Variants in AJUBA observed in about 807,000 individuals in gnomAD.
AJUBA encodes ajuba LIM protein.
AJUBA carries 20 observed loss-of-function variants against 53.3 expected under a neutral mutation model. That is an observed-to-expected ratio of 0.38 (90% CI 0.26 to 0.55). The LOEUF (loss-of-function observed/expected upper bound fraction) is 0.55. Ranked by LOEUF, AJUBA falls within the 20% of genes least tolerant of loss-of-function variation. The pLI is 0.80. For missense variants in AJUBA, 580 were observed against 730.5 expected (o/e 0.79, Z 2.38); for synonymous variants, 296 against 306.2 (o/e 0.97, Z 0.35).
rs755767404 is a variant in AJUBA, at chr14:22,981,913, G to T, written c.354C>A (p.Leu118=). ...TACTGGCGAAGCTAGAGCGGGGGCT[G>T]AGGGCCGGGGCCGTGGGCTCCAGCC... The part of the protein sequence containing the change: ...DFRLEPTAPA[L]SPRSSFASSS... Residue 118 remains leucine, a synonymous_variant, in exon 1 of 8, where the codon CTC becomes CTA. Transcript: ENST00000262713. 5.1e-6 allele frequency: 8 copies of T among 1,556,412 alleles called. No individual in the cohort carries two copies. Among genetic ancestry groups the T allele is most frequent in the Non-Finnish European group, 6.9e-6 (8 of 1,155,436 alleles).
At chr14:22,978,845 G>C (rs2045061886) in intron 1 of AJUBA, 3 of 1,253,488 alleles carry the variant, frequency 2.4e-6, no homozygotes, top group Non-Finnish European at 3.1e-6. Flanking sequence ...GTGCTCAGCA[G>C]CAGACTTGAA....
At position 22,974,056 on chromosome 14, in the gene AJUBA, G is replaced by A; in HGVS notation, c.1482C>T (p.Tyr494=). The A allele has an allele frequency of 6.2e-7, 1 of 1,614,056 alleles. No homozygotes were observed. Among genetic ancestry groups the A allele is most frequent in the Non-Finnish European group, 8.5e-7 (1 of 1,180,010 alleles). Residue 494 remains tyrosine, a synonymous_variant, in exon 7 of 8, where the codon TAC becomes TAT. Coordinates refer to ENST00000262713, the MANE Select transcript of AJUBA (RefSeq NM_032876.6). ...GAACCCCAACACTCACCTCACAGTG[G>A]TAGCACTCAAAGTGATAATCCCGGT... The part of the protein sequence containing the change: ...SMDRDYHFEC[Y]HCEDCRMQLS...
Position 22,981,435 on chromosome 14 carries a change from C to G in AJUBA, c.832G>C (p.Asp278His). Residue 278 changes from aspartate to histidine, a missense_variant, in exon 1 of 8, where the codon GAC (aspartate) becomes CAC (histidine). By Grantham distance (81) the Asp-to-His change is moderately conservative. Coordinates refer to ENST00000262713, the MANE Select transcript of AJUBA (RefSeq NM_032876.6). ...GDCAVGARYQ[D>H]ELTALLRLTV... ...AGGCGAAGCAAAGCTGTTAGCTCGT[C>G]CTGGTACCGGGCGCCCACGGCGCAG... The G allele has an allele frequency of 6.2e-7, 1 of 1,611,676 alleles. No homozygotes were observed. Among genetic ancestry groups the G allele is most frequent in the Non-Finnish European group, 8.5e-7 (1 of 1,179,470 alleles).
At position 22,979,046 on chromosome 14, in the gene AJUBA, G is replaced by T; in HGVS notation, c.1007-601C>A. 7.8e-7 allele frequency: 1 copy of T among 1,288,962 alleles called. No homozygotes were observed. The highest frequency in any genetic ancestry group is 1.0e-6 in the Non-Finnish European group (1 of 988,618). 79.8% of individuals were successfully genotyped at this position (1,288,962 alleles called of 1,614,324 possible). ...CATGTGAGCATGATTCCTGTGGGGA[G>T]GTGGCTGCTGAGAATGCAGGGTGTG... On this transcript the variant is annotated intron_variant, in intron 1 of 7. Coordinates refer to ENST00000262713, the MANE Select transcript of AJUBA (RefSeq NM_032876.6). The surrounding 1 kb of genome is among the most constrained non-coding windows in gnomAD (Gnocchi z 4.0).
chr14:22,976,478 C>T lies in AJUBA; in HGVS notation c.1217G>A (p.Cys406Tyr). ...TACCTTCTCCAAAATCAAGTGACCA[C>T]AGACACAGCATTTCTCAGCTGCCTC... The part of the protein sequence containing the change: ...FQEAAEKCCV[C>Y]GHLILEKILQ... The change falls in exon 4 of 8, where the codon TGT becomes TAT. Residue 406 changes from cysteine to tyrosine, a missense_variant. Cys to Tyr is a radical substitution (Grantham distance 194, BLOSUM62 -2). Transcript: ENST00000262713. The T allele has an allele frequency of 1.9e-6, 3 of 1,614,198 alleles. No homozygotes were observed. Among genetic ancestry groups the T allele is most frequent in the Non-Finnish European group, 2.5e-6 (3 of 1,180,028 alleles).
intron 1 of AJUBA, chr14:22,980,780 A>G (rs1285549653): frequency 2.1e-5 from 14 of 670,534 alleles, no homozygotes; most frequent in Non-Finnish European, 2.4e-5. Flanking sequence ...GGGCACCTGG[A>G]GCGCCCGGGC....
intron 1 of AJUBA, chr14:22,978,687 C>A: frequency 7.8e-7 from 1 of 1,288,232 alleles, no homozygotes; most frequent in Admixed American, 3.3e-5. Context: ...TAACACAGCA[C>A]CACTACCTAA....
Position 22,975,199 on chromosome 14 carries a change from ACCCGCTGCTATACT to A in AJUBA, c.1240-109_1240-96del. 4 of 1,479,500 alleles carry A rather than the reference ACCCGCTGCTATACT, an allele frequency of 2.7e-6. No individual in the cohort carries two copies. The East Asian group carries it at 9.2e-5, about 34-fold the overall frequency. The allele number at this position is 1,479,500 out of a possible 1,614,324, so 91.6% of individuals were successfully genotyped here. On this transcript the variant is annotated intron_variant, in intron 4 of 7. Transcript: ENST00000262713. ...TTATTACTCCCATTAACCTCATCCA[ACCCGCTGCTATACT>A]CCCAGAACAATGCTATGTAATGTCG...
intron 1 of AJUBA, chr14:22,978,939 A>G (rs1237692035): frequency 5.4e-6 from 7 of 1,289,088 alleles, no homozygotes; most frequent in Admixed American, 4.6e-5. Context: ...CTGTTCAGTT[A>G]TAGAATGATT....
chr14:22,980,966 C>A (rs2045084512), intron 1 of AJUBA, among the ~76,000 whole-genome samples: 1 of 152,126 alleles, frequency 6.6e-6, no homozygotes, highest in Non-Finnish European at 1.5e-5. Flanking sequence ...CCCACTTGGT[C>A]CCTTCCCTAC....
At chr14:22,978,746 A>G (rs2045060874) in intron 1 of AJUBA, 3 of 1,215,108 alleles carry the variant, frequency 2.5e-6, no homozygotes, top group Admixed American at 3.5e-5. Context: ...TCAGATGCTT[A>G]GTTTCTGTTG....
chr14:22,982,435 C>T lies in AJUBA; in HGVS notation c.-169G>A. On this transcript the variant is annotated 5_prime_UTR_variant, in exon 1 of 8. Coordinates refer to ENST00000262713, the MANE Select transcript of AJUBA (RefSeq NM_032876.6). Reference sequence around the variant, plus strand: ...CTGCGCCAGGAATCCCACAGCATCCCCCAGCGGGAGGGGCTGCGTCCCCCC... The same window carrying T: ...CTGCGCCAGGAATCCCACAGCATCCTCCAGCGGGAGGGGCTGCGTCCCCCC... The T allele has an allele frequency of 1.4e-6, 2 of 1,435,652 alleles. No homozygotes were observed. Among genetic ancestry groups the T allele is most frequent in the South Asian group, 1.5e-5 (1 of 68,340 alleles). 88.9% of individuals were successfully genotyped at this position (1,435,652 alleles called of 1,614,324 possible). A position where few individuals can be genotyped will look rare whatever the true frequency, so the allele number is the denominator to read the frequency against.
chr14:22,981,336 C>T lies in AJUBA; in HGVS notation c.931G>A (p.Glu311Lys), dbSNP rs745365510. 2 of 1,613,268 alleles carry T rather than the reference C, an allele frequency of 1.2e-6. No individual in the cohort carries two copies. Among genetic ancestry groups the T allele is most frequent in the South Asian group, 2.2e-5 (2 of 91,076 alleles). Residue 311 changes from glutamate to lysine, a missense_variant, in exon 1 of 8, where the codon GAG becomes AAG. Physicochemically the swap from Glu to Lys is moderately conservative, Grantham distance 56. Transcript: ENST00000262713. ...TCCGGAACGAAAGGACCTGGTGGCT[C>T]CTCCAGACCCGACGGCTCAATCCCC... ...PSGIEPSGLEEPPGPFVPEAA... is the reference protein window; with the variant it reads ...PSGIEPSGLEKPPGPFVPEAA...
chr14:22,975,035 C>A lies in AJUBA; in HGVS notation c.1309G>T (p.Asp437Tyr). 1 of 1,614,210 alleles carries A rather than the reference C, an allele frequency of 6.2e-7. No homozygotes were observed. The highest frequency in any genetic ancestry group is 2.2e-5 in the East Asian group (1 of 44,886). ...AAGTCCACTGTGAAGGGGATGCCAT[C>A]CAGGCACTTGTTGCAAACAATGCAT... ...FRCIVCNKCLDGIPFTVDFSN... is the reference protein window; with the variant it reads ...FRCIVCNKCLYGIPFTVDFSN... Residue 437 changes from aspartate to tyrosine, a missense_variant, in exon 5 of 8, where the codon GAT becomes TAT. This residue lies in a region of AJUBA where 150 missense variants were observed against 259.0 expected (regional missense o/e 0.58). Coordinates refer to ENST00000262713, the MANE Select transcript of AJUBA (RefSeq NM_032876.6).
At chr14:22,978,974 AT>A in intron 1 of AJUBA, 1 of 1,289,156 alleles carries the variant, frequency 7.8e-7, no homozygotes, top group Non-Finnish European at 1.0e-6. Flanking sequence ...ACTTCCAAGG[AT>A]GGAGAAAAGG....
intron 4 of AJUBA, 165 bp from the exon 5 acceptor site, chr14:22,975,269 C>A: frequency 2.1e-6 from 2 of 947,218 alleles, no homozygotes; most frequent in Non-Finnish European, 1.5e-6. Flanking sequence ...AGGCGGAGAC[C>A]CTGAAAAGTG....
At position 22,975,094 on chromosome 14, in the gene AJUBA, G is replaced by T; in HGVS notation, c.1250C>A (p.Ala417Glu). The change falls in exon 5 of 8, where the codon GCA becomes GAA. Residue 417 changes from alanine to glutamate, a missense_variant. Physicochemically the swap from Ala to Glu is moderately radical, Grantham distance 107. Coordinates refer to ENST00000262713, the MANE Select transcript of AJUBA (RefSeq NM_032876.6). ...GHLILEKILQ[A>E]MGKSYHPGCF... ...GCCTGGATGATAGGACTTCCCCATT[G>T]CTTGTAGGATCTGGCTCATGGGGTA... The T allele has an allele frequency of 6.2e-7, 1 of 1,612,084 alleles. No individual in the cohort carries two copies. Among genetic ancestry groups the T allele is most frequent in the Non-Finnish European group, 8.5e-7 (1 of 1,179,040 alleles).
Position 22,975,472 on chromosome 14 carries a change from A to G in AJUBA, c.1240-368T>C, listed in dbSNP as rs1205217076. Among the ~76,000 whole-genome samples the G allele has an allele frequency of 2.0e-5, 3 of 152,206 alleles. No homozygotes were observed. The East Asian group carries it at 5.8e-4, about 29-fold the overall frequency. On this transcript the variant is annotated intron_variant, in intron 4 of 7. Coordinates refer to ENST00000262713, the MANE Select transcript of AJUBA (RefSeq NM_032876.6). The stretch of plus-strand genomic sequence containing the variant: ...TTCCCAGCTGATCTGCTAGGCTACC[A>G]TGATTGAGAATCACTGATTTAATCC...
In AJUBA at chr14:22,981,686, C is replaced by G. The variant is rs2045098571; in HGVS notation, c.581G>C (p.Gly194Ala). 1 of 1,517,796 alleles carries G rather than the reference C, an allele frequency of 6.6e-7. No homozygotes were observed. Among genetic ancestry groups the G allele is most frequent in the Non-Finnish European group, 8.8e-7 (1 of 1,135,666 alleles). 94.0% of individuals were successfully genotyped at this position (1,517,796 alleles called of 1,614,324 possible). A position where few individuals can be genotyped will look rare whatever the true frequency, so the allele number is the denominator to read the frequency against. The change falls in exon 1 of 8, where the codon GGC (glycine) becomes GCC (alanine). Residue 194 changes from glycine (G) to alanine (A), a missense_variant. Transcript: ENST00000262713. ...GGACGGGACCCCTCCGGGAGAATAG[C>G]CTGCCGGTGCTCCGGCCAGGGGTGG... The part of the protein sequence containing the change: ...FGPPLAGAPA[G>A]YSPGGVPSAY...
Sources: gnomAD v4.1 joint callset for allele counts (sites outside exome capture counted in the v4.1 genomes callset) on GRCh38, gnomAD v4.1.1 for gene constraint, gnomAD v4.1.1 regional missense constraint, Gnocchi (gnomAD v3.1) non-coding constraint, MANE v1.5 for transcripts, NCBI Gene and HGNC (gene_info 2026-07-23, HGNC 2026-07-21) for gene names.